The following DOK6 variants were observed in gnomAD, a reference collection of about 807,000 sequenced individuals.
DOK6 encodes downstream of tyrosine kinase 6.
In DOK6, 22 loss-of-function variants were observed where a neutral mutation model predicts 44.0. The ratio of observed to expected loss-of-function variants is 0.50; its 90% CI spans 0.36 to 0.71. The LOEUF (loss-of-function observed/expected upper bound fraction) is 0.71. Ranked by LOEUF, DOK6 falls within the 30% of genes least tolerant of loss-of-function variation. DOK6 has a pLI of 0.00. For missense variants in DOK6, 340 were observed against 416.4 expected, an observed-to-expected ratio of 0.82 and a Z score of 1.60; for synonymous variants, 166 against 145.5, an observed-to-expected ratio of 1.14 and a Z score of -1.01.
intron 1 of DOK6, among the ~76,000 whole-genome samples, chr18:69,433,102 T>C (rs1215431981): frequency 2.6e-5 from 4 of 152,168 alleles, no homozygotes; most frequent in Non-Finnish European, 4.4e-5. Context: ...TTCTACCTTA[T>C]TTAGTCTTAT....
chr18:69,569,487 A>G (rs1028896598), intron 2 of DOK6, among the ~76,000 whole-genome samples: 1 of 152,244 alleles, frequency 6.6e-6, no homozygotes, highest in Non-Finnish European at 1.5e-5. Context: ...ACAATGTCCA[A>G]TATAAAATCC....
intron 3 of DOK6, among the ~76,000 whole-genome samples, chr18:69,603,720 G>A (rs567938659): frequency 7.3e-6 from 1 of 137,376 alleles, no homozygotes; most frequent in East Asian, 2.2e-4. Context: ...GCAGTGAGCC[G>A]AGATCGCGCC....
At chr18:69,772,460 A>C (rs2144767003) in intron 7 of DOK6, among the ~76,000 whole-genome samples, 1 of 152,218 alleles carries the variant, frequency 6.6e-6, no homozygotes, top group Middle Eastern at 3.4e-3. Context: ...TTCAAAGTAT[A>C]TTACAAAGCT....
Position 69,638,502 on chromosome 18 carries a change from A to C in DOK6, c.289+39004A>C, listed in dbSNP as rs1486788203. ...GTATACTTATTCTTTTTTTTTTTGT[A>C]ATATTAGAAAACCACATGTATTTAT... On this transcript the variant is annotated intron_variant, in intron 3 of 7. Coordinates refer to ENST00000382713, the MANE Select transcript of DOK6 (RefSeq NM_152721.6). 2.2e-5 allele frequency among the ~76,000 whole-genome samples: 3 copies of C among 135,418 alleles called. No homozygotes were observed. In the Admixed American group the frequency reaches 2.2e-4, roughly 10 times the overall value. 88.8% of individuals were successfully genotyped at this position (135,418 alleles called of 152,430 possible).
At chr18:69,756,061 A>C (rs1157827037) in intron 6 of DOK6, among the ~76,000 whole-genome samples, 1 of 152,140 alleles carries the variant, frequency 6.6e-6, no homozygotes, top group Admixed American at 6.5e-5. Flanking sequence ...GAGCCACCCC[A>C]ATTCATTTCC....
rs1162813401 is a variant in DOK6 at position 69,416,939 on chromosome 18, TA to T, written c.66+15630del. Among the ~76,000 whole-genome samples the T allele has an allele frequency of 2.0e-5, 3 of 152,196 alleles. No homozygotes were observed. The East Asian group carries it at 5.8e-4, about 29-fold the overall frequency. ...GCTATTTTTAATTTTTAAATTTTTTTATGTTTATGGATACATAATAGTTGTC... is the reference window on the plus strand; with the variant it reads ...GCTATTTTTAATTTTTAAATTTTTTTTGTTTATGGATACATAATAGTTGTC... On this transcript the variant is annotated intron_variant, in intron 1 of 7. Transcript: ENST00000382713.
chr18:69,490,371 T>C (rs1279855301), intron 1 of DOK6, among the ~76,000 whole-genome samples: 1 of 152,130 alleles, frequency 6.6e-6, no homozygotes, highest in Non-Finnish European at 1.5e-5. Flanking sequence ...GTTATATAAA[T>C]ATATGTTGGA....
chr18:69,546,454 C>T lies in DOK6; in HGVS notation c.67-18033C>T, dbSNP rs1331461194. On this transcript the variant is annotated intron_variant, in intron 1 of 7. Transcript: ENST00000382713. ...CTGTTTTCAGTCATAGATTCCATAA[C>T]CAGGAATGGCTAACTTTTTAAAACA... Among the ~76,000 whole-genome samples the T allele has an allele frequency of 1.3e-5, 2 of 151,534 alleles. 1 individual carries two copies. The highest frequency in any genetic ancestry group is 3.0e-5 in the Non-Finnish European group (2 of 67,756).
intron 7 of DOK6, among the ~76,000 whole-genome samples, chr18:69,794,841 C>T (rs1019559972): frequency 1.3e-5 from 2 of 152,056 alleles, no homozygotes; most frequent in African/African-American, 2.4e-5. Context: ...TTGTGAACTG[C>T]GCATGCGAGG....
At chr18:69,643,966 T>G (rs1985007791) in intron 3 of DOK6, among the ~76,000 whole-genome samples, 2 of 152,194 alleles carry the variant, frequency 1.3e-5, no homozygotes, top group African/African-American at 4.8e-5. Context: ...TAGTGACATT[T>G]CATTTTTGAC....
At chr18:69,576,414 A>C (rs914895719) in intron 2 of DOK6, among the ~76,000 whole-genome samples, 2 of 152,170 alleles carry the variant, frequency 1.3e-5, no homozygotes, top group African/African-American at 4.8e-5. Flanking sequence ...AATAGCAATA[A>C]ATTAAAATAA....
chr18:69,551,953 C>G (rs897899106), intron 1 of DOK6, among the ~76,000 whole-genome samples: 1 of 152,156 alleles, frequency 6.6e-6, no homozygotes, highest in Non-Finnish European at 1.5e-5. Flanking sequence ...AAATGCATTA[C>G]CCCAGTTCAC....
intron 1 of DOK6, among the ~76,000 whole-genome samples, chr18:69,530,956 G>A (rs1453335414): frequency 6.6e-6 from 1 of 151,970 alleles, no homozygotes. Context: ...TCCTGTATTG[G>A]GTGCATATAT....
chr18:69,594,081 T>C (rs1226500445), intron 2 of DOK6, among the ~76,000 whole-genome samples: 1 of 152,176 alleles, frequency 6.6e-6, no homozygotes, highest in African/African-American at 2.4e-5. Flanking sequence ...CAGAACACGA[T>C]TTAATGTGCT....
chr18:69,667,782 T>G (rs904758403), intron 3 of DOK6, among the ~76,000 whole-genome samples: 2 of 152,194 alleles, frequency 1.3e-5, no homozygotes, highest in African/African-American at 4.8e-5. Flanking sequence ...TCTTAGCCCT[T>G]AAATGTCTTC....
chr18:69,800,788 A>G (rs1316593517), intron 7 of DOK6, among the ~76,000 whole-genome samples: 6 of 152,156 alleles, frequency 3.9e-5, no homozygotes, highest in Non-Finnish European at 5.9e-5. Context: ...TATCATTTTG[A>G]TGAATTTTAT....
intron 1 of DOK6, among the ~76,000 whole-genome samples, chr18:69,464,395 G>A (rs9967032): frequency 0.3 from 45,373 of 152,044 alleles, 7,078 homozygotes; most frequent in Middle Eastern, 0.52. Context: ...TCTTCTCTAG[G>A]CAGTGGCCTA....
intron 6 of DOK6, among the ~76,000 whole-genome samples, chr18:69,740,206 C>A (rs1470072590): frequency 6.6e-6 from 1 of 152,118 alleles, no homozygotes; most frequent in Non-Finnish European, 1.5e-5. Context: ...GTGGGGTTGA[C>A]TGAAGAATCA....
At chr18:69,485,241 C>A (rs558908575) in intron 1 of DOK6, among the ~76,000 whole-genome samples, 1 of 152,234 alleles carries the variant, frequency 6.6e-6, no homozygotes, top group African/African-American at 2.4e-5. Flanking sequence ...GCAAGGGCAG[C>A]AAGTGAGAGG....
Sources: gnomAD v4.1 joint callset for allele counts (sites outside exome capture counted in the v4.1 genomes callset) on GRCh38, gnomAD v4.1.1 for gene constraint, MANE v1.5 for transcripts, NCBI Gene and HGNC (gene_info 2026-07-23, HGNC 2026-07-21) for gene names.